Variants in RAPGEF2 observed in about 807,000 individuals in gnomAD.
The protein encoded by RAPGEF2 is Rap guanine nucleotide exchange factor 2.
Under a neutral mutation model 186.7 loss-of-function variants are expected in RAPGEF2, and 54 were observed. The ratio of observed to expected loss-of-function variants is 0.29; its 90% confidence interval spans 0.23 to 0.36. The LOEUF is 0.36. Among genes scored for constraint, RAPGEF2 ranks in the 10% least tolerant of loss-of-function variants. The pLI is 1.00. For synonymous variants in RAPGEF2, 712 were observed against 705.9 expected (o/e 1.01, Z -0.14); for missense variants, 1,532 against 2,045.0 (o/e 0.75, Z 4.84).
intron 1 of RAPGEF2, among the ~76,000 whole-genome samples, chr4:159,184,039 G>A (rs1349333931): frequency 2.0e-5 from 3 of 152,106 alleles, no homozygotes; most frequent in Non-Finnish European, 4.4e-5. Flanking sequence ...ATGGTTTCCA[G>A]CTTCATCTGT....
chr4:159,296,697 C>T (rs1044771970), intron 7 of RAPGEF2, among the ~76,000 whole-genome samples: 1 of 152,186 alleles, frequency 6.6e-6, no homozygotes, highest in Non-Finnish European at 1.5e-5. Context: ...GGGCCTGTCA[C>T]ATAGTAACTG....
chr4:159,195,090 C>T (rs1009229188), intron 3 of RAPGEF2, among the ~76,000 whole-genome samples: 1 of 152,130 alleles, frequency 6.6e-6, no homozygotes, highest in African/African-American at 2.4e-5. Flanking sequence ...GGGACCTGTT[C>T]AGCAGGCAAT....
In RAPGEF2 at chr4:159,340,667, C is replaced by CCACACACACACA. The variant is rs3071283; in HGVS notation, c.2535-868_2535-857dup. On this transcript the variant is annotated intron_variant, in intron 19 of 29. Transcript: ENST00000691494. ...AAAACAAAAAATACCACCACCATCA[C>CCACACACACACA]CACACACACACACACACACACACAC... Among the ~76,000 whole-genome samples the CCACACACACACA allele has an allele frequency of 4.4e-3, 340 of 76,866 alleles. 33 individuals carry two copies. Among genetic ancestry groups the CCACACACACACA allele is most frequent in the South Asian group, 6.6e-3 (13 of 1,984 alleles). The allele number at this position is 76,866 out of a possible 152,430, so 50.4% of individuals were successfully genotyped here.
At chr4:159,289,426 T>C (rs1760914152) in intron 7 of RAPGEF2, among the ~76,000 whole-genome samples, 1 of 152,188 alleles carries the variant, frequency 6.6e-6, no homozygotes, top group African/African-American at 2.4e-5. Context: ...TTGCTGTTCA[T>C]TGTGTTTTAG....
At chr4:159,106,656 T>C (rs1037193976) in intron 1 of RAPGEF2, among the ~76,000 whole-genome samples, 1 of 152,240 alleles carries the variant, frequency 6.6e-6, no homozygotes, top group Non-Finnish European at 1.5e-5. Flanking sequence ...GTTTGCATGA[T>C]TCTCGTTATA....
intron 5 of RAPGEF2, among the ~76,000 whole-genome samples, chr4:159,239,619 C>T (rs1035844715): frequency 2.0e-5 from 3 of 152,014 alleles, no homozygotes; most frequent in African/African-American, 7.2e-5. Flanking sequence ...AAAACCAAAC[C>T]TGTCATACTT....
chr4:159,339,559 A>T (rs1044320004), intron 19 of RAPGEF2, among the ~76,000 whole-genome samples: 8 of 151,968 alleles, frequency 5.3e-5, no homozygotes, highest in African/African-American at 1.9e-4. Flanking sequence ...CCTAACAAGG[A>T]TCTCTTAGGA....
intron 7 of RAPGEF2, among the ~76,000 whole-genome samples, chr4:159,244,732 G>A (rs1377116507): frequency 1.3e-5 from 2 of 151,916 alleles, no homozygotes; most frequent in Non-Finnish European, 2.9e-5. Context: ...TTGCCTAAAA[G>A]TATGAATTTT....
chr4:159,195,309 C>T (rs11939106), intron 3 of RAPGEF2, among the ~76,000 whole-genome samples: 74,241 of 151,964 alleles, frequency 0.49, 20,068 homozygotes, highest in African/African-American at 0.74. Flanking sequence ...GGGATAGAGA[C>T]ATTTGAATTC....
chr4:159,248,617 G>A (rs1438042620), intron 7 of RAPGEF2, among the ~76,000 whole-genome samples: 1 of 152,214 alleles, frequency 6.6e-6, no homozygotes, highest in Non-Finnish European at 1.5e-5. Flanking sequence ...AGCTGCTATA[G>A]TGGTCTCAAC....
At chr4:159,290,039 A>C (rs1248947777) in intron 7 of RAPGEF2, among the ~76,000 whole-genome samples, 1 of 152,138 alleles carries the variant, frequency 6.6e-6, no homozygotes, top group Non-Finnish European at 1.5e-5. Context: ...TAGGCAGGGG[A>C]GTGACAGGAT....
intron 7 of RAPGEF2, among the ~76,000 whole-genome samples, chr4:159,296,091 T>G (rs1561231492): frequency 1.3e-5 from 2 of 152,190 alleles, no homozygotes; most frequent in Non-Finnish European, 2.9e-5. Context: ...TTGCAATTAC[T>G]GGATATTACC....
At position 159,338,218 on chromosome 4, in the gene RAPGEF2, A is replaced by G. The variant is rs538304667; in HGVS notation, c.2136-93A>G. On this transcript the variant is annotated intron_variant, in intron 17 of 29. Transcript: ENST00000691494. ...TTTTTACATGAGCTGCAAAAAAAAA[A>G]TGGAATATGGTTTTTGGTCTGTGTT... is the stretch of plus-strand genomic sequence containing the variant. The G allele has an allele frequency of 3.4e-6, 4 of 1,169,170 alleles. No homozygotes were observed. In the Admixed American group the frequency reaches 9.5e-5, roughly 28 times the overall value. 72.4% of individuals were successfully genotyped at this position (1,169,170 alleles called of 1,614,324 possible). A position where few individuals can be genotyped will look rare whatever the true frequency, so the allele number is the denominator to read the frequency against.
intron 1 of RAPGEF2, among the ~76,000 whole-genome samples, chr4:159,160,760 G>A (rs768651654): frequency 6.6e-5 from 10 of 152,144 alleles, no homozygotes; most frequent in Non-Finnish European, 1.2e-4. Flanking sequence ...TGTAGTGCAT[G>A]CTCTATTCAC....
At chr4:159,113,311 G>A (rs1738694878) in intron 1 of RAPGEF2, among the ~76,000 whole-genome samples, 1 of 151,874 alleles carries the variant, frequency 6.6e-6, no homozygotes, top group Non-Finnish European at 1.5e-5. Flanking sequence ...GGGTAAACAG[G>A]GGATCTTTGA....
At chr4:159,199,743 G>A (rs915760958) in intron 3 of RAPGEF2, among the ~76,000 whole-genome samples, 4 of 152,180 alleles carry the variant, frequency 2.6e-5, no homozygotes, top group African/African-American at 9.7e-5. Flanking sequence ...GTTTCTTGCT[G>A]TTGGGACTCC....
rs150533650 is a variant in RAPGEF2, at chr4:159,343,857, T to C, written c.3255-179T>C. Among the ~76,000 whole-genome samples the C allele has an allele frequency of 8.2e-3, 1,246 of 152,360 alleles. 7 individuals are homozygous for C. The highest frequency in any genetic ancestry group is 0.014 in the Non-Finnish European group (945 of 68,024). ...AGAACAAAAAATTTAAATGTATGTGTCTTTTAAGCCAGAAAAATATTTCTA... is the reference window on the plus strand; with the variant it reads ...AGAACAAAAAATTTAAATGTATGTGCCTTTTAAGCCAGAAAAATATTTCTA... On this transcript the variant is annotated intron_variant, in intron 22 of 29. Transcript: ENST00000691494.
At chr4:159,117,213 A>G (rs762611192) in intron 1 of RAPGEF2, among the ~76,000 whole-genome samples, 14 of 152,270 alleles carry the variant, frequency 9.2e-5, no homozygotes, top group South Asian at 2.1e-4. Flanking sequence ...TAGCATTTCA[A>G]TGTTTCTAAT....
At chr4:159,349,711 TC>T (rs1299341279) in intron 25 of RAPGEF2, among the ~76,000 whole-genome samples, 53 of 152,188 alleles carry the variant, frequency 3.5e-4, no homozygotes, top group African/African-American at 1.3e-3. Flanking sequence ...GCTACCCCTT[TC>T]CAAGGATACA....
Sources: gnomAD v4.1 joint callset for allele counts (sites outside exome capture counted in the v4.1 genomes callset) on GRCh38, gnomAD v4.1.1 for gene constraint, MANE v1.5 for transcripts, NCBI Gene and HGNC (gene_info 2026-07-23, HGNC 2026-07-21) for gene names.